The following ANGPT1 variants were observed in gnomAD, a reference collection of about 807,000 sequenced individuals.
ANGPT1 encodes the protein angiopoietin 1.
A neutral mutation model predicts 62.2 loss-of-function variants in ANGPT1; 17 were observed. The ratio of observed to expected loss-of-function variants is 0.27; its 90% CI spans 0.19 to 0.41. ANGPT1 has a LOEUF of 0.41. Among genes scored for constraint, ANGPT1 ranks in the 10% least tolerant of loss-of-function variants. The pLI is 1.00. For missense variants in ANGPT1, 478 were observed against 594.9 expected (o/e 0.80, Z 2.04); for synonymous variants, 199 against 198.9 (o/e 1.00, Z 0.00).
In ANGPT1 at chr8:107,285,115, T is replaced by C. The variant is rs190747532; in HGVS notation, c.1039-267A>G. Among the ~76,000 whole-genome samples, 67 of 152,252 alleles carry C rather than the reference T, an allele frequency of 4.4e-4. No homozygotes were observed. In the East Asian group the frequency reaches 7.0e-3, roughly 16 times the overall value. On this transcript the variant is annotated intron_variant, in intron 6 of 8. Coordinates refer to ENST00000517746, the MANE Select transcript of ANGPT1 (RefSeq NM_001146.5). ...GACATTTTGTATAAAATAAATCTAGTTAATAGGTTTAACTGGAAAACAATT... is the reference window on the plus strand; with the variant it reads ...GACATTTTGTATAAAATAAATCTAGCTAATAGGTTTAACTGGAAAACAATT...
intron 4 of ANGPT1, among the ~76,000 whole-genome samples, chr8:107,313,429 G>GTTTTTTTTTTTT (rs71308720): frequency 1.9e-4 from 12 of 64,182 alleles, no homozygotes; most frequent in Non-Finnish European, 2.4e-4. Flanking sequence ...GTTACTAGTT[G>GTTTTTTTTTTTT]TTTTTTTTTT....
At chr8:107,464,314 T>C (rs567774592) in intron 1 of ANGPT1, among the ~76,000 whole-genome samples, 1 of 152,158 alleles carries the variant, frequency 6.6e-6, no homozygotes, top group Admixed American at 6.6e-5. Context: ...CCTCTATGCA[T>C]CATGGTTTTT....
intron 1 of ANGPT1, among the ~76,000 whole-genome samples, chr8:107,481,545 A>C (rs1377330463): frequency 6.0e-5 from 9 of 149,966 alleles, no homozygotes; most frequent in Middle Eastern, 3.2e-3. Context: ...AAAAAAAAAA[A>C]AAAAAAAAAA....
intron 1 of ANGPT1, among the ~76,000 whole-genome samples, chr8:107,430,702 A>T (rs982825489): frequency 6.6e-6 from 1 of 152,206 alleles, no homozygotes; most frequent in Non-Finnish European, 1.5e-5. Flanking sequence ...GCAGGGAAGT[A>T]GTGGTCAGCG....
chr8:107,467,317 C>CATAT (rs3036575), intron 1 of ANGPT1, among the ~76,000 whole-genome samples: 13 of 148,272 alleles, frequency 8.8e-5, no homozygotes, highest in African/African-American at 3.2e-4. Flanking sequence ...TTTATTTATT[C>CATAT]ATATATATAT....
intron 1 of ANGPT1, among the ~76,000 whole-genome samples, chr8:107,449,202 A>G (rs1449455631): frequency 6.6e-6 from 1 of 152,096 alleles, no homozygotes. Flanking sequence ...ATTGTTCTTG[A>G]TGCTGTAATA....
chr8:107,488,991 A>C (rs545300721), intron 1 of ANGPT1, among the ~76,000 whole-genome samples: 3 of 152,206 alleles, frequency 2.0e-5, no homozygotes, highest in Non-Finnish European at 4.4e-5. Flanking sequence ...AAAGTCTCCA[A>C]TAATCTTGAA....
intron 1 of ANGPT1, among the ~76,000 whole-genome samples, chr8:107,461,565 C>T (rs966760617): frequency 2.9e-5 from 4 of 136,448 alleles, no homozygotes; most frequent in Non-Finnish European, 6.4e-5. Flanking sequence ...CACTGGTGTC[C>T]TAGAATGTCC....
At chr8:107,279,726 C>A (rs1169054512) in intron 7 of ANGPT1, among the ~76,000 whole-genome samples, 1 of 151,030 alleles carries the variant, frequency 6.6e-6, no homozygotes. Flanking sequence ...TTAGAACACA[C>A]ACACATACAC....
chr8:107,301,003 CTGCAAATAGCCTG>C (rs1189083422), intron 5 of ANGPT1, among the ~76,000 whole-genome samples: 1 of 151,826 alleles, frequency 6.6e-6, no homozygotes, highest in African/African-American at 2.4e-5. Context: ...CGCAGTGGTT[CTGCAAATAGCCTG>C]TGCACCATTT....
chr8:107,293,678 C>T (rs964850991), intron 6 of ANGPT1, among the ~76,000 whole-genome samples: 4 of 152,108 alleles, frequency 2.6e-5, no homozygotes, highest in African/African-American at 9.7e-5. Flanking sequence ...CCTCATGCAA[C>T]TAGGAACAAA....
chr8:107,415,123 A>T (rs1810703955), intron 1 of ANGPT1, among the ~76,000 whole-genome samples: 1 of 152,182 alleles, frequency 6.6e-6, no homozygotes, highest in Non-Finnish European at 1.5e-5. Context: ...CGATTTAAAG[A>T]TATCTTGTAA....
intron 1 of ANGPT1, among the ~76,000 whole-genome samples, chr8:107,354,369 G>T (rs559798023): frequency 6.6e-6 from 1 of 151,928 alleles, no homozygotes; most frequent in Non-Finnish European, 1.5e-5. Context: ...TTTTAATCCA[G>T]GTACTATCAT....
chr8:107,351,123 C>T (rs1176938067), intron 1 of ANGPT1, among the ~76,000 whole-genome samples: 1 of 151,956 alleles, frequency 6.6e-6, no homozygotes, highest in African/African-American at 2.4e-5. Context: ...AGTCTCTCAA[C>T]CTGAATAATA....
intron 1 of ANGPT1, among the ~76,000 whole-genome samples, chr8:107,432,346 G>A (rs1023321838): frequency 2.0e-5 from 3 of 152,092 alleles, no homozygotes; most frequent in African/African-American, 7.2e-5. Flanking sequence ...AGCTTTCTTA[G>A]GAAATAAAAA....
At chr8:107,443,947 C>T (rs1459539197) in intron 1 of ANGPT1, among the ~76,000 whole-genome samples, 3 of 151,988 alleles carry the variant, frequency 2.0e-5, no homozygotes, top group Non-Finnish European at 4.4e-5. Flanking sequence ...TCGTTAATGT[C>T]TTCTCTCAGA....
At chr8:107,370,485 T>C (rs1439322156) in intron 1 of ANGPT1, among the ~76,000 whole-genome samples, 1 of 151,328 alleles carries the variant, frequency 6.6e-6, no homozygotes, top group Non-Finnish European at 1.5e-5. Flanking sequence ...GGTCAGGAGT[T>C]CAAGACCATC....
rs940288876 is a variant in ANGPT1, at chr8:107,264,208, C to A, written c.1336+13G>T. The A allele has an allele frequency of 1.2e-6, 2 of 1,611,326 alleles. No homozygotes were observed. The highest frequency in any genetic ancestry group is 2.2e-5 in the East Asian group (1 of 44,778). The stretch of plus-strand genomic sequence containing the variant: ...ATGAAACATAGCTTAGAGAATGGCC[C>A]CATAGGACTTACCTCCTGTTAACAT... On this transcript the variant is annotated intron_variant, in intron 8 of 8. Transcript: ENST00000517746.
In ANGPT1 at chr8:107,292,382, C is replaced by G. The variant is rs141022249; in HGVS notation, c.1038+1554G>C. Among the ~76,000 whole-genome samples the G allele has an allele frequency of 6.0e-4, 92 of 152,184 alleles. 1 individual carries two copies. The East Asian group carries it at 0.016, about 26-fold the overall frequency. ...AGTGAGTTCTGCATTTTATGTGACC[C>G]CCTAAACTACTAGTAATGTACACTG... On this transcript the variant is annotated intron_variant, in intron 6 of 8. Transcript: ENST00000517746.
Sources: allele counts gnomAD v4.1 joint callset (sites outside exome capture counted in the v4.1 genomes callset), GRCh38; gene constraint gnomAD v4.1.1; transcripts MANE v1.5; gene names NCBI Gene and HGNC (gene_info 2026-07-23, HGNC 2026-07-21).